ZNF385D: variants seen among roughly 807,000 people sequenced by gnomAD.
The protein encoded by ZNF385D is zinc finger protein 659.
A neutral mutation model predicts 35.8 loss-of-function variants in ZNF385D; 15 were observed. The ratio of observed to expected loss-of-function variants is 0.42; its 90% confidence interval spans 0.28 to 0.64. The LOEUF is 0.64. Among genes scored for constraint, ZNF385D ranks in the 30% least tolerant of loss-of-function variants. ZNF385D has a pLI of 0.23. For missense variants in ZNF385D, 474 were observed against 494.6 expected (o/e 0.96, Z 0.39); for synonymous variants, 212 against 186.8 (o/e 1.13, Z -1.10).
chr3:22,361,032 G>GA (rs1257956610), intron 2 of ZNF385D, among the ~76,000 whole-genome samples: 1 of 151,924 alleles, frequency 6.6e-6, no homozygotes, highest in African/African-American at 2.4e-5. Context: ...CATTTATGAG[G>GA]AAAAAAAGTC....
At chr3:21,733,712 T>C (rs2069118506) in intron 1 of ZNF385D, among the ~76,000 whole-genome samples, 1 of 152,208 alleles carries the variant, frequency 6.6e-6, no homozygotes, top group Non-Finnish European at 1.5e-5. Flanking sequence ...TATGTATTTA[T>C]AGCTTAAATT....
intron 3 of ZNF385D, among the ~76,000 whole-genome samples, chr3:21,890,543 T>C (rs1044801938): frequency 1.3e-5 from 2 of 151,878 alleles, no homozygotes; most frequent in African/African-American, 4.8e-5. Flanking sequence ...TGCTGGAACC[T>C]GGGAGGCGGA....
At chr3:21,665,268 A>G (rs1222886219) in intron 1 of ZNF385D, among the ~76,000 whole-genome samples, 1 of 152,162 alleles carries the variant, frequency 6.6e-6, no homozygotes, top group African/African-American at 2.4e-5. Context: ...TAACATCAAC[A>G]TTTCAAATGC....
chr3:22,102,594 A>G (rs932655889), intron 3 of ZNF385D, among the ~76,000 whole-genome samples: 2 of 152,060 alleles, frequency 1.3e-5, no homozygotes, highest in Admixed American at 6.6e-5. Flanking sequence ...CACTGGCCAA[A>G]TGAGGCATAG....
intron 3 of ZNF385D, among the ~76,000 whole-genome samples, chr3:21,937,209 G>C (rs540910703): frequency 1.3e-5 from 2 of 151,386 alleles, no homozygotes; most frequent in African/African-American, 2.4e-5. Context: ...TTTCACAGAT[G>C]AAAGGCCCAA....
chr3:22,165,034 G>C (rs1488354336), intron 3 of ZNF385D, among the ~76,000 whole-genome samples: 3 of 152,166 alleles, frequency 2.0e-5, no homozygotes, highest in Non-Finnish European at 4.4e-5. Context: ...AGAGCACAGA[G>C]GACTTTTAGG....
chr3:21,971,318 A>T (rs1013827772), intron 3 of ZNF385D, among the ~76,000 whole-genome samples: 3 of 152,046 alleles, frequency 2.0e-5, no homozygotes, highest in African/African-American at 7.2e-5. Flanking sequence ...AGAAAACAGG[A>T]TGATGATGTT....
intron 4 of ZNF385D, among the ~76,000 whole-genome samples, chr3:21,448,191 T>G (rs1439550798): frequency 6.6e-6 from 1 of 152,156 alleles, no homozygotes; most frequent in East Asian, 1.9e-4. Flanking sequence ...AAAGGAGTTT[T>G]CAGGGAGTAA....
At chr3:21,900,375 C>T (rs17010026) in intron 3 of ZNF385D, among the ~76,000 whole-genome samples, 1 of 151,928 alleles carries the variant, frequency 6.6e-6, no homozygotes, top group Admixed American at 6.6e-5. Flanking sequence ...AGAAAGCAAC[C>T]TACCCAGCTT....
At chr3:22,133,406 G>C (rs1415642108) in intron 3 of ZNF385D, among the ~76,000 whole-genome samples, 1 of 151,982 alleles carries the variant, frequency 6.6e-6, no homozygotes, top group East Asian at 1.9e-4. Flanking sequence ...GAGGGAAGGA[G>C]AGGCAGGAAA....
chr3:21,559,354 G>T (rs1045748751), intron 3 of ZNF385D, among the ~76,000 whole-genome samples: 10 of 152,124 alleles, frequency 6.6e-5, no homozygotes, highest in Middle Eastern at 3.2e-3. Flanking sequence ...TTGTAAGGCA[G>T]GCCGGGTGGT....
At chr3:22,201,838 G>C (rs547866017) in intron 2 of ZNF385D, among the ~76,000 whole-genome samples, 42 of 151,536 alleles carry the variant, frequency 2.8e-4, no homozygotes, top group African/African-American at 9.4e-4. Flanking sequence ...TAATACTTTT[G>C]ACAAAGCTGA....
intron 3 of ZNF385D, among the ~76,000 whole-genome samples, chr3:21,859,642 C>T (rs1575791522): frequency 6.7e-6 from 1 of 148,836 alleles, no homozygotes; most frequent in East Asian, 2.0e-4. Flanking sequence ...GCTGCTGAAA[C>T]AACATTATTG....
chr3:21,883,749 CAT>C (rs972392501), intron 3 of ZNF385D, among the ~76,000 whole-genome samples: 2 of 152,006 alleles, frequency 1.3e-5, no homozygotes, highest in Non-Finnish European at 2.9e-5. Flanking sequence ...GATTGCTGCA[CAT>C]ATAAGGCTAG....
At chr3:21,954,541 C>T (rs775567427) in intron 3 of ZNF385D, among the ~76,000 whole-genome samples, 4 of 151,892 alleles carry the variant, frequency 2.6e-5, no homozygotes, top group African/African-American at 4.8e-5. Context: ...ACACGGGACC[C>T]CTAGGCCAAA....
intron 3 of ZNF385D, among the ~76,000 whole-genome samples, chr3:21,910,168 T>C (rs764476260): frequency 2.0e-5 from 3 of 151,856 alleles, no homozygotes; most frequent in African/African-American, 4.8e-5. Context: ...CATGATAGGA[T>C]TGCACCGTCA....
intron 3 of ZNF385D, among the ~76,000 whole-genome samples, chr3:22,134,555 CA>C (rs1405144854): frequency 2.0e-5 from 3 of 152,056 alleles, no homozygotes; most frequent in African/African-American, 7.2e-5. Flanking sequence ...TGGCAGAATA[CA>C]TATTTTTTCA....
chr3:21,559,159 C>T (rs558953549), intron 3 of ZNF385D, among the ~76,000 whole-genome samples: 2 of 152,122 alleles, frequency 1.3e-5, no homozygotes, highest in African/African-American at 4.8e-5. Flanking sequence ...GCATCTAGTC[C>T]TTTTACATTT....
intron 3 of ZNF385D, among the ~76,000 whole-genome samples, chr3:21,926,256 G>T (rs953617900): frequency 1.3e-5 from 2 of 152,056 alleles, no homozygotes; most frequent in Admixed American, 1.3e-4. Context: ...TCTTCATTAG[G>T]TATTTCTCCT....
Sources: gnomAD v4.1 joint callset for allele counts (sites outside exome capture counted in the v4.1 genomes callset) on GRCh38, gnomAD v4.1.1 for gene constraint, MANE v1.5 for transcripts, NCBI Gene and HGNC (gene_info 2026-07-23, HGNC 2026-07-21) for gene names.